The following ANO6 variants were observed in gnomAD, a reference collection of about 807,000 sequenced individuals.
The protein encoded by ANO6 is anoctamin-6.
Under a neutral mutation model 117.5 loss-of-function variants are expected in ANO6, and 106 were observed. The observed-to-expected ratio is 0.90, with a 90% CI of 0.77 to 1.06. The LOEUF is 1.06. Among genes scored for constraint, ANO6 ranks in the 50% least tolerant of loss-of-function variants. The pLI is 0.00. For missense variants in ANO6, 955 were observed against 1,121.1 expected, an observed-to-expected ratio of 0.85 and a Z score of 2.12; for synonymous variants, 367 against 385.1, an observed-to-expected ratio of 0.95 and a Z score of 0.55.
At chr12:45,375,303 C>T (rs1941975538) in intron 9 of ANO6, among the ~76,000 whole-genome samples, 2 of 152,274 alleles carry the variant, frequency 1.3e-5, no homozygotes, top group East Asian at 1.9e-4. Context: ...AGATTCAATG[C>T]CATCCCCATC....
chr12:45,225,027 C>T (rs1385774422), intron 1 of ANO6, among the ~76,000 whole-genome samples: 2 of 151,922 alleles, frequency 1.3e-5, no homozygotes, highest in African/African-American at 4.8e-5. Flanking sequence ...CCAATCTATA[C>T]AAAAACTGCA....
chr12:45,330,166 C>T (rs1280902774), intron 2 of ANO6, among the ~76,000 whole-genome samples: 2 of 152,048 alleles, frequency 1.3e-5, no homozygotes, highest in Non-Finnish European at 2.9e-5. Context: ...CAATTAGGAA[C>T]TTCAGATACT....
intron 15 of ANO6, among the ~76,000 whole-genome samples, chr12:45,408,017 G>A (rs928882346): frequency 2.6e-5 from 4 of 152,120 alleles, no homozygotes; most frequent in Admixed American, 2.0e-4. Flanking sequence ...TTTCCCCTGA[G>A]TAAAGCTTCA....
chr12:45,343,529 T>C (rs1006876512), intron 3 of ANO6, among the ~76,000 whole-genome samples: 3 of 152,170 alleles, frequency 2.0e-5, no homozygotes, highest in African/African-American at 4.8e-5. Flanking sequence ...TCCATCCCTC[T>C]ACTGTACCAT....
At chr12:45,240,876 G>A (rs888006741) in intron 1 of ANO6, among the ~76,000 whole-genome samples, 1 of 152,086 alleles carries the variant, frequency 6.6e-6, no homozygotes, top group African/African-American at 2.4e-5. Context: ...TTGAATATTG[G>A]CCCCCACTCT....
intron 11 of ANO6, among the ~76,000 whole-genome samples, chr12:45,389,017 T>A (rs924547960): frequency 2.0e-5 from 3 of 152,236 alleles, no homozygotes; most frequent in African/African-American, 7.2e-5. Flanking sequence ...CAGAAAACTT[T>A]GAGCTGATTG....
intron 12 of ANO6, among the ~76,000 whole-genome samples, chr12:45,391,927 C>T (rs1463073249): frequency 1.3e-5 from 2 of 152,200 alleles, no homozygotes; most frequent in African/African-American, 4.8e-5. Context: ...CTGCTCCCAG[C>T]GTGATCAACA....
Position 45,302,047 on chromosome 12 carries a change from A to G in ANO6, c.104A>G (p.Asp35Gly). 9 of 1,613,968 alleles carry G rather than the reference A, an allele frequency of 5.6e-6. No individual in the cohort carries two copies. In the South Asian group the frequency reaches 8.8e-5, roughly 16 times the overall value. Residue 35 changes from aspartate to glycine, a missense_variant, in exon 2 of 20, where the codon GAT (aspartate) becomes GGT (glycine). Transcript: ENST00000320560. ...LENLGQTIVP[D>G]LGSLESQHDF... ...AACCTTGGACAGACAATTGTCCCCG[A>G]TTTGGGATCACTGGAAAGTCAGCAT...
At chr12:45,249,895 C>T (rs1295133348) in intron 1 of ANO6, among the ~76,000 whole-genome samples, 6 of 152,130 alleles carry the variant, frequency 3.9e-5, no homozygotes, top group African/African-American at 1.4e-4. Context: ...GTTTAATGAA[C>T]ACAGTATCCA....
At chr12:45,246,839 A>T (rs921676286) in intron 1 of ANO6, among the ~76,000 whole-genome samples, 3 of 143,052 alleles carry the variant, frequency 2.1e-5, no homozygotes, top group Non-Finnish European at 4.5e-5. Flanking sequence ...GTCTCGGCTC[A>T]TTGCAACCTC....
chr12:45,308,002 G>A (rs1334167901), intron 2 of ANO6, among the ~76,000 whole-genome samples: 1 of 148,350 alleles, frequency 6.7e-6, no homozygotes, highest in Admixed American at 6.9e-5. Context: ...TGGATACAGA[G>A]AATTTAGGTA....
intron 1 of ANO6, among the ~76,000 whole-genome samples, chr12:45,271,066 A>G (rs1023055627): frequency 6.6e-6 from 1 of 152,202 alleles, no homozygotes; most frequent in African/African-American, 2.4e-5. Flanking sequence ...ACTATGGGCC[A>G]GGATCTTAAA....
intron 2 of ANO6, among the ~76,000 whole-genome samples, chr12:45,327,604 C>G (rs1940513659): frequency 6.6e-6 from 1 of 152,054 alleles, no homozygotes; most frequent in Admixed American, 6.6e-5. Context: ...ATAAAGCTAG[C>G]AAGTGTCTAT....
At chr12:45,313,987 T>C (rs1176322817) in intron 2 of ANO6, among the ~76,000 whole-genome samples, 1 of 152,054 alleles carries the variant, frequency 6.6e-6, no homozygotes, top group African/African-American at 2.4e-5. Flanking sequence ...AGAGTGGGCA[T>C]ACTGTTCACC....
chr12:45,423,346 A>G (rs1943414961), intron 19 of ANO6, among the ~76,000 whole-genome samples: 1 of 152,200 alleles, frequency 6.6e-6, no homozygotes, highest in Non-Finnish European at 1.5e-5. Context: ...TTGGGCTATG[A>G]AAGGGCTTAT....
chr12:45,281,752 G>A (rs1046553902), intron 1 of ANO6, among the ~76,000 whole-genome samples: 1 of 152,160 alleles, frequency 6.6e-6, no homozygotes, highest in African/African-American at 2.4e-5. Flanking sequence ...CCCCATTACA[G>A]AAATAACATC....
At chr12:45,300,430 T>TG (rs1448879152) in intron 1 of ANO6, among the ~76,000 whole-genome samples, 2 of 152,202 alleles carry the variant, frequency 1.3e-5, no homozygotes, top group Non-Finnish European at 2.9e-5. Flanking sequence ...CCTCCCACCT[T>TG]GGCCTCCAAA....
intron 10 of ANO6, among the ~76,000 whole-genome samples, chr12:45,384,281 A>G (rs139046236): frequency 6.6e-6 from 1 of 152,290 alleles, no homozygotes; most frequent in Admixed American, 6.5e-5. Context: ...TTCTATCCAG[A>G]TCATTAAAAC....
At chr12:45,252,924 A>T (rs947716708) in intron 1 of ANO6, among the ~76,000 whole-genome samples, 1 of 152,156 alleles carries the variant, frequency 6.6e-6, no homozygotes, top group African/African-American at 2.4e-5. Flanking sequence ...GGAAACCTTC[A>T]CACAACAGGG....
Sources: allele counts gnomAD v4.1 joint callset (sites outside exome capture counted in the v4.1 genomes callset), GRCh38; gene constraint gnomAD v4.1.1; transcripts MANE v1.5; gene names NCBI Gene and HGNC (gene_info 2026-07-23, HGNC 2026-07-21).